The following ITGB6 variants were observed in gnomAD, a reference collection of about 807,000 sequenced individuals.
ITGB6 encodes the protein integrin beta-6.
ITGB6 carries 80 observed loss-of-function variants against 84.5 expected under a neutral mutation model. The observed-to-expected ratio is 0.95, with a 90% confidence interval of 0.79 to 1.14. ITGB6 has a LOEUF of 1.14. Among genes scored for constraint, ITGB6 ranks in the 50% most tolerant of loss-of-function variants. ITGB6 has a pLI of 0.00. For missense variants in ITGB6, 1,006 were observed against 968.0 expected, an observed-to-expected ratio of 1.04 and a Z score of -0.52; for synonymous variants, 383 against 354.9, an observed-to-expected ratio of 1.08 and a Z score of -0.89.
rs1025417428 is a variant in ITGB6, at chr2:160,100,582, C to T, written c.*1154G>A. 2.0e-5 allele frequency: 3 copies of T among 152,118 alleles called. No homozygotes were observed. Among genetic ancestry groups the T allele is most frequent in the African/African-American group, 7.2e-5 (3 of 41,412 alleles). The allele number at this position is 152,118 out of a possible 1,614,324, so 9.4% of individuals were successfully genotyped here. On this transcript the variant is annotated 3_prime_UTR_variant, in exon 15 of 15. Transcript: ENST00000283249. The stretch of plus-strand genomic sequence containing the variant: ...AAGTGCTTTGTAAAGGAGTAATAAC[C>T]ACAAGAAATAATATTCTAGAGTCCA...
intron 7 of ITGB6, among the ~76,000 whole-genome samples, chr2:160,155,625 A>T (rs1053251128): frequency 2.6e-5 from 4 of 152,158 alleles, no homozygotes; most frequent in Non-Finnish European, 5.9e-5. Context: ...TGCTTGAAAA[A>T]TTTGTTTTTA....
At chr2:160,112,023 T>C in intron 13 of ITGB6, 57 bp downstream of exon 13, 1 of 1,553,224 alleles carries the variant, frequency 6.4e-7, no homozygotes, top group Non-Finnish European at 8.7e-7. Context: ...TTCTGGTTGC[T>C]TTCTCTTCTC....
intron 1 of ITGB6, among the ~76,000 whole-genome samples, 167 bp downstream of exon 1, chr2:160,199,836 T>C (rs1030044476): frequency 6.6e-6 from 1 of 152,252 alleles, no homozygotes; most frequent in Non-Finnish European, 1.5e-5. Context: ...GCATTCACTG[T>C]GGGAACTGCC....
Position 160,186,275 on chromosome 2 carries a change from A to AG in ITGB6, c.593+9093_593+9094insC, listed in dbSNP as rs552327963. Among the ~76,000 whole-genome samples, 15 of 151,508 alleles carry AG rather than the reference A, an allele frequency of 9.9e-5. No homozygotes were observed. In the South Asian group the frequency reaches 2.9e-3, roughly 30 times the overall value. ...ACAAAGAACTTAAACAAATTTCCAA[A>AG]AAAAAAAAAAACATCAAAAAGTCGG... On this transcript the variant is annotated intron_variant, in intron 4 of 14. Transcript: ENST00000283249.
At chr2:160,183,172 G>T (rs890819254) in intron 4 of ITGB6, among the ~76,000 whole-genome samples, 3 of 152,200 alleles carry the variant, frequency 2.0e-5, no homozygotes, top group Admixed American at 1.3e-4. Context: ...TGGGCTAAAT[G>T]CCCCAATTAA....
At chr2:160,142,875 G>A (rs1252817368) in intron 7 of ITGB6, among the ~76,000 whole-genome samples, 1 of 152,162 alleles carries the variant, frequency 6.6e-6, no homozygotes, top group African/African-American at 2.4e-5. Flanking sequence ...TTTAAATTTT[G>A]TTGTTTTCAA....
chr2:160,149,592 G>A (rs1684333686), intron 7 of ITGB6, among the ~76,000 whole-genome samples: 1 of 152,184 alleles, frequency 6.6e-6, no homozygotes, highest in Non-Finnish European at 1.5e-5. Flanking sequence ...AACAAAGCTG[G>A]ACAGAGAATC....
chr2:160,108,523 T>C (rs973799523), intron 13 of ITGB6, among the ~76,000 whole-genome samples: 8 of 152,136 alleles, frequency 5.3e-5, no homozygotes, highest in Non-Finnish European at 1.0e-4. Flanking sequence ...TCCAGTCCCT[T>C]GACCTCTCTG....
At chr2:160,190,292 C>T (rs1005086510) in intron 4 of ITGB6, among the ~76,000 whole-genome samples, 16 of 151,588 alleles carry the variant, frequency 1.1e-4, no homozygotes, top group African/African-American at 3.9e-4. Flanking sequence ...CAACATGGCA[C>T]ATGTATATAT....
chr2:160,175,756 G>A (rs993871884), intron 4 of ITGB6, among the ~76,000 whole-genome samples: 9 of 152,166 alleles, frequency 5.9e-5, no homozygotes, highest in South Asian at 2.1e-4. Flanking sequence ...TACATGTGGC[G>A]TCTTTAAATA....
intron 7 of ITGB6, among the ~76,000 whole-genome samples, chr2:160,160,051 A>C (rs1422322062): frequency 1.3e-5 from 2 of 152,158 alleles, no homozygotes; most frequent in African/African-American, 4.8e-5. Flanking sequence ...GGGATTGGCT[A>C]TGTCCCACGG....
At chr2:160,176,694 G>A (rs553584983) in intron 4 of ITGB6, among the ~76,000 whole-genome samples, 1 of 152,244 alleles carries the variant, frequency 6.6e-6, no homozygotes, top group East Asian at 1.9e-4. Context: ...ACACAGTCTA[G>A]AACAGACCTA....
Position 160,101,759 on chromosome 2 carries a change from C to A in ITGB6, c.2344G>T (p.Val782Leu). ...TTCTAGCAATCTGTGGAAAGGTCTA[C>A]CTTTTGTTTTTCCCTGTGTTTATAA... is the stretch of plus-strand genomic sequence containing the variant. The part of the protein sequence containing the change: ...VTYKHREKQK[V>L]DLSTDC The change falls in exon 15 of 15, where the codon GTA becomes TTA. Residue 782 changes from valine (V) to leucine (L), a missense_variant. Val to Leu is a conservative substitution (Grantham distance 32). Coordinates refer to ENST00000283249, the MANE Select transcript of ITGB6 (RefSeq NM_000888.5). 1 of 1,586,768 alleles carries A rather than the reference C, an allele frequency of 6.3e-7. No homozygotes were observed. The highest frequency in any genetic ancestry group is 8.7e-7 in the Non-Finnish European group (1 of 1,155,448).
In ITGB6 at chr2:160,135,540, C is replaced by T. The variant is rs901070678; in HGVS notation, c.1660+1894G>A. ...GCTACCAATGACTTTCTTCACAGAA[C>T]TGGAAAAAACTACTTTATAGTTCAT... is the stretch of plus-strand genomic sequence containing the variant. On this transcript the variant is annotated intron_variant, in intron 10 of 14. Coordinates refer to ENST00000283249, the MANE Select transcript of ITGB6 (RefSeq NM_000888.5). Among the ~76,000 whole-genome samples the T allele has an allele frequency of 2.6e-4, 39 of 151,846 alleles. 1 individual carries two copies. The highest frequency in any genetic ancestry group is 1.2e-3 in the East Asian group (6 of 5,174).
chr2:160,119,708 C>A (rs1264421423), intron 12 of ITGB6, among the ~76,000 whole-genome samples: 1 of 152,032 alleles, frequency 6.6e-6, no homozygotes, highest in Non-Finnish European at 1.5e-5. Context: ...GCAAAAGAAA[C>A]CACCATCAGA....
chr2:160,178,916 C>G (rs148770016), intron 4 of ITGB6: 12 of 152,196 alleles, frequency 7.9e-5, no homozygotes, highest in African/African-American at 2.9e-4. Flanking sequence ...AAGCTGGTCA[C>G]GAACTCCTGA....
chr2:160,131,660 A>G (rs575748640), intron 10 of ITGB6, among the ~76,000 whole-genome samples: 3 of 152,324 alleles, frequency 2.0e-5, no homozygotes, highest in South Asian at 2.1e-4. Context: ...ATAGAGCAAC[A>G]TCCTTTGTGA....
At chr2:160,185,168 T>A (rs1339446024) in intron 4 of ITGB6, among the ~76,000 whole-genome samples, 1 of 152,132 alleles carries the variant, frequency 6.6e-6, no homozygotes, top group Non-Finnish European at 1.5e-5. Context: ...CAAATTCAAA[T>A]AGAAAGAGAG....
chr2:160,138,048 A>C lies in ITGB6; in HGVS notation c.1242+17T>G, dbSNP rs758237868. 10 of 1,603,972 alleles carry C rather than the reference A, an allele frequency of 6.2e-6. No individual in the cohort carries two copies. The highest frequency in any genetic ancestry group is 1.7e-4 in the Middle Eastern group (1 of 6,038). ...ATCCAGGTATTTATTCAGACTATCTACTGGCCAGCTACTTACTGTGTCTCC... is the reference window on the plus strand; with the variant it reads ...ATCCAGGTATTTATTCAGACTATCTCCTGGCCAGCTACTTACTGTGTCTCC... On this transcript the variant is annotated intron_variant, in intron 9 of 14. Transcript: ENST00000283249.
Sources: allele counts gnomAD v4.1 joint callset (sites outside exome capture counted in the v4.1 genomes callset), GRCh38; gene constraint gnomAD v4.1.1; transcripts MANE v1.5; gene names NCBI Gene and HGNC (gene_info 2026-07-23, HGNC 2026-07-21).